The following ZFHX3 variants were observed in gnomAD, a reference collection of about 807,000 sequenced individuals.
ZFHX3 encodes the protein zinc finger homeobox protein 3.
In ZFHX3, 42 loss-of-function variants were observed where a neutral mutation model predicts 279.1. That is an observed-to-expected ratio of 0.15 (90% confidence interval 0.12 to 0.19). The LOEUF is 0.19. Among genes scored for constraint, ZFHX3 ranks in the 10% least tolerant of loss-of-function variants. The pLI is 1.00. For missense variants in ZFHX3, 4,981 were observed against 4,754.0 expected (o/e 1.05, Z -1.40); for synonymous variants, 2,293 against 1,957.8 (o/e 1.17, Z -4.52).
At chr16:73,109,893 C>A (rs1333426489) in intron 7 of ZFHX3, among the ~76,000 whole-genome samples, 3 of 150,828 alleles carry the variant, frequency 2.0e-5, no homozygotes. Context: ...ACCACCAAAA[C>A]TTTTCATATT....
chr16:73,797,138 G>A (rs1033549379), intron 1 of ZFHX3, among the ~76,000 whole-genome samples: 1 of 152,100 alleles, frequency 6.6e-6, no homozygotes, highest in Non-Finnish European at 1.5e-5. Flanking sequence ...AGGAGGCAGA[G>A]GTGGCAGTGA....
chr16:73,117,068 A>C (rs1300287951), intron 7 of ZFHX3, among the ~76,000 whole-genome samples: 2 of 152,232 alleles, frequency 1.3e-5, no homozygotes, highest in Admixed American at 6.5e-5. Context: ...GGAAGAGGCC[A>C]CACACTAGGC....
chr16:73,863,545 A>G (rs562698941), intron 1 of ZFHX3, among the ~76,000 whole-genome samples: 60 of 152,334 alleles, frequency 3.9e-4, no homozygotes, highest in Non-Finnish European at 6.8e-4. Context: ...AAAATCCGAA[A>G]GGCAATAAAA....
chr16:73,105,001 G>A lies in ZFHX3; in HGVS notation c.-896-11403C>T, dbSNP rs114468963. Among the ~76,000 whole-genome samples the A allele has an allele frequency of 2.9e-3, 445 of 152,224 alleles. 2 individuals are homozygous for A. Among genetic ancestry groups the A allele is most frequent in the African/African-American group, 0.01 (429 of 41,532 alleles). On this transcript the variant is annotated intron_variant, in intron 7 of 17. Coordinates refer to the ZFHX3 transcript ENST00000641206. ...AGAAGAAGTGATGCAAGCATCCTGC[G>A]GAGGGAAGAGGACTACAAAACAGCA... is the stretch of plus-strand genomic sequence containing the variant.
chr16:72,952,096 G>A (rs1409874802), intron 2 of ZFHX3, among the ~76,000 whole-genome samples: 1 of 152,198 alleles, frequency 6.6e-6, no homozygotes, highest in Non-Finnish European at 1.5e-5. Flanking sequence ...AAAGAAACTA[G>A]CCAGGCATGG....
At chr16:73,190,953 T>C (rs181398567) in intron 5 of ZFHX3, among the ~76,000 whole-genome samples, 17 of 151,780 alleles carry the variant, frequency 1.1e-4, no homozygotes, top group African/African-American at 3.9e-4. Context: ...GAAATAATCA[T>C]TGGTTAGGGG....
chr16:73,799,997 G>A (rs1373462065), intron 1 of ZFHX3, among the ~76,000 whole-genome samples: 2 of 151,956 alleles, frequency 1.3e-5, no homozygotes, highest in African/African-American at 4.8e-5. Flanking sequence ...AAGCAACATA[G>A]CAAGACCCTG....
chr16:72,984,633 A>AG (rs1224038132), intron 1 of ZFHX3, among the ~76,000 whole-genome samples: 2 of 151,730 alleles, frequency 1.3e-5, no homozygotes, highest in Non-Finnish European at 2.9e-5. Context: ...CTCAAAAAAA[A>AG]AAAAAAAAAT....
intron 4 of ZFHX3, among the ~76,000 whole-genome samples, chr16:73,306,388 C>T (rs1417625028): frequency 3.3e-5 from 5 of 152,192 alleles, no homozygotes; most frequent in African/African-American, 7.2e-5. Flanking sequence ...GGTGCCATCT[C>T]GGCTCACTGT....
chr16:73,176,668 C>A (rs1395931518), intron 5 of ZFHX3, among the ~76,000 whole-genome samples: 1 of 146,644 alleles, frequency 6.8e-6, no homozygotes, highest in East Asian at 2.0e-4. Context: ...CTCTGGAAAT[C>A]ATTTCCCTTT....
intron 3 of ZFHX3, among the ~76,000 whole-genome samples, chr16:73,437,245 G>T (rs1057283913): frequency 2.0e-5 from 3 of 152,088 alleles, no homozygotes; most frequent in Non-Finnish European, 4.4e-5. Context: ...GGGCCAGAGA[G>T]ATTAAATGAC....
At chr16:73,352,432 G>A (rs1340929701) in intron 3 of ZFHX3, among the ~76,000 whole-genome samples, 2 of 146,166 alleles carry the variant, frequency 1.4e-5, no homozygotes, top group Non-Finnish European at 3.0e-5. Context: ...GATAAACGGT[G>A]TCACTATTTG....
chr16:73,436,053 G>A (rs536253486), intron 3 of ZFHX3, among the ~76,000 whole-genome samples: 9 of 152,332 alleles, frequency 5.9e-5, no homozygotes, highest in East Asian at 5.8e-4. Context: ...GAGGTAGCCC[G>A]GCGCGGTGGC....
intron 3 of ZFHX3, among the ~76,000 whole-genome samples, chr16:72,942,063 A>C (rs1960436082): frequency 6.6e-6 from 1 of 152,192 alleles, no homozygotes; most frequent in Non-Finnish European, 1.5e-5. Flanking sequence ...CCTTTTCCTG[A>C]CTATGTTCCT....
At chr16:73,242,235 G>C (rs1249730605) in intron 5 of ZFHX3, among the ~76,000 whole-genome samples, 1 of 152,130 alleles carries the variant, frequency 6.6e-6, no homozygotes, top group East Asian at 1.9e-4. Context: ...AAGGTAGTCA[G>C]GGCAGAATAA....
rs146899542 is a variant in ZFHX3, at chr16:73,750,640, G to T, written c.-1607-70400C>A. Among the ~76,000 whole-genome samples, 115 of 152,196 alleles carry T rather than the reference G, an allele frequency of 7.6e-4. 3 individuals are homozygous for T. The East Asian group carries it at 0.016, about 21-fold the overall frequency. Reference sequence around the variant, plus strand: ...GAAAACAACAAAATAGTGAGCTAGTGGAAAAAAGCCATGAGGAGGTAAGGC... The same window carrying T: ...GAAAACAACAAAATAGTGAGCTAGTTGAAAAAAGCCATGAGGAGGTAAGGC... On this transcript the variant is annotated intron_variant, in intron 1 of 17. Coordinates refer to the ZFHX3 transcript ENST00000641206.
intron 2 of ZFHX3, among the ~76,000 whole-genome samples, chr16:73,632,823 T>C (rs7195667): frequency 0.2 from 29,811 of 152,144 alleles, 3,080 homozygotes; most frequent in African/African-American, 0.2. Context: ...ACGCCTGTAA[T>C]CCCAGCACTT....
At position 73,591,692 on chromosome 16, in the gene ZFHX3, CAAAAAAAAAAAAAA is replaced by C. The variant is rs57402211; in HGVS notation, c.-1547+88474_-1547+88487del. ...TGGGCGACAGAGCGAGACTCTGTCT[CAAAAAAAAAAAAAA>C]AAAAAAAAAAAAGAAAAGAAAAGAA... is the stretch of plus-strand genomic sequence containing the variant. On this transcript the variant is annotated intron_variant, in intron 2 of 17. Transcript: ENST00000641206. Among the ~76,000 whole-genome samples the C allele has an allele frequency of 2.7e-4, 9 of 33,442 alleles. No individual in the cohort carries two copies. The East Asian group carries it at 0.01, about 38-fold the overall frequency. The allele number at this position is 33,442 out of a possible 152,430, so 21.9% of individuals were successfully genotyped here.
rs994526090 is a variant in ZFHX3 at position 73,802,976 on chromosome 16, C to T, written c.-1608+88675G>A. On this transcript the variant is annotated intron_variant, in intron 1 of 17. Coordinates refer to the ZFHX3 transcript ENST00000641206. ...GGGATCACAGGCACACGCCACCACACCCAGCTAATTTTTGCTTTTTAGTAG... is the reference window on the plus strand; with the variant it reads ...GGGATCACAGGCACACGCCACCACATCCAGCTAATTTTTGCTTTTTAGTAG... Among the ~76,000 whole-genome samples the T allele has an allele frequency of 3.3e-5, 5 of 152,182 alleles. No individual in the cohort carries two copies. The South Asian group carries it at 8.3e-4, about 25-fold the overall frequency.
Sources: allele counts gnomAD v4.1 joint callset (sites outside exome capture counted in the v4.1 genomes callset), GRCh38; gene constraint gnomAD v4.1.1; transcripts MANE v1.5; gene names NCBI Gene and HGNC (gene_info 2026-07-23, HGNC 2026-07-21).